POU2F1: variants seen among roughly 807,000 people sequenced by gnomAD.
POU2F1 encodes POU domain, class 2, transcription factor 1.
In POU2F1, 16 loss-of-function variants were observed where a neutral mutation model predicts 84.9. The ratio of observed to expected loss-of-function variants is 0.19; its 90% CI spans 0.13 to 0.29. POU2F1 has a LOEUF of 0.29. Ranked by LOEUF, POU2F1 falls within the 10% of genes least tolerant of loss-of-function variation. The pLI, the probability that POU2F1 is intolerant of heterozygous loss-of-function variation, is 1.00. For missense variants in POU2F1, 738 were observed against 942.6 expected, an observed-to-expected ratio of 0.78 and a Z score of 2.84; for synonymous variants, 368 against 368.3, an observed-to-expected ratio of 1.00 and a Z score of 0.01.
intron 5 of POU2F1, 34 bp downstream of exon 5, chr1:167,372,070 T>C (rs1308610614): frequency 1.3e-6 from 2 of 1,594,614 alleles, no homozygotes; most frequent in Admixed American, 3.5e-5. Flanking sequence ...TAACAAACTT[T>C]TTCTGTGTCA....
At position 167,365,503 on chromosome 1, in the gene POU2F1, C is replaced by G. The variant is rs781026654; in HGVS notation, c.164C>G (p.Pro55Arg). The stretch of plus-strand genomic sequence containing the variant: ...AATGGTCTGGACTTTCAGAAGCAGC[C>G]TGTGCCTGTAGGAGGAGCAATCTCA... ...QTNGLDFQKQ[P>R]VPVGGAISTA... The change falls in exon 3 of 16, where the codon CCT becomes CGT. Residue 55 changes from proline to arginine, a missense_variant. Transcript: ENST00000367866. 1 of 1,602,918 alleles carries G rather than the reference C, an allele frequency of 6.2e-7. No individual in the cohort carries two copies. The highest frequency in any genetic ancestry group is 1.7e-5 in the Admixed American group (1 of 57,954).
chr1:167,385,831 G>A (rs528278333), intron 8 of POU2F1, among the ~76,000 whole-genome samples: 1 of 152,214 alleles, frequency 6.6e-6, no homozygotes, highest in South Asian at 2.1e-4. Context: ...ACCACAGATG[G>A]GGAGAAAATA....
chr1:167,247,977 A>G (rs1650459256), intron 1 of POU2F1, among the ~76,000 whole-genome samples: 1 of 152,202 alleles, frequency 6.6e-6, no homozygotes, highest in African/African-American at 2.4e-5. Context: ...TTTTTCTAAT[A>G]ATAGAATGAT....
intron 2 of POU2F1, among the ~76,000 whole-genome samples, chr1:167,354,120 GATATA>G (rs1197506787): frequency 6.6e-6 from 1 of 152,006 alleles, no homozygotes; most frequent in Non-Finnish European, 1.5e-5. Context: ...ATTTTCACTG[GATATA>G]ATATCCCATT....
intron 12 of POU2F1, 80 bp from the exon 13 acceptor site, chr1:167,401,371 C>T: frequency 1.0e-6 from 1 of 965,776 alleles, no homozygotes; most frequent in Non-Finnish European, 1.5e-6. Context: ...ATTCCAAGAT[C>T]AAAGAAAGAC....
chr1:167,394,347 T>G (rs758784687), intron 9 of POU2F1, among the ~76,000 whole-genome samples: 1 of 152,158 alleles, frequency 6.6e-6, no homozygotes, highest in Admixed American at 6.5e-5. Context: ...TTAATAAATA[T>G]ATAGAGATAC....
chr1:167,292,894 C>T (rs1475197138), intron 1 of POU2F1, among the ~76,000 whole-genome samples: 1 of 151,994 alleles, frequency 6.6e-6, no homozygotes, highest in Non-Finnish European at 1.5e-5. Context: ...AACAGAATTA[C>T]AAACAAAAAC....
At position 167,374,787 on chromosome 1, in the gene POU2F1, G is replaced by A. The variant is rs184240848; in HGVS notation, c.591+491G>A. ...GATAATAAAAATTTATTTAAGAAGC[G>A]CCAGGCGCGGTGGCTCACGCCTGTA... On this transcript the variant is annotated intron_variant, in intron 6 of 15. Coordinates refer to ENST00000367866, the MANE Select transcript of POU2F1 (RefSeq NM_002697.4). Among the ~76,000 whole-genome samples the A allele has an allele frequency of 5.9e-5, 9 of 152,292 alleles. No homozygotes were observed. The East Asian group carries it at 9.6e-4, about 16-fold the overall frequency.
chr1:167,362,832 C>T (rs1386105065), intron 2 of POU2F1, among the ~76,000 whole-genome samples: 1 of 152,042 alleles, frequency 6.6e-6, no homozygotes, highest in Non-Finnish European at 1.5e-5. Context: ...CAGAATATTG[C>T]CTGTAGAGTC....
intron 2 of POU2F1, among the ~76,000 whole-genome samples, chr1:167,333,433 G>T (rs1657212845): frequency 6.6e-6 from 1 of 152,142 alleles, no homozygotes; most frequent in Non-Finnish European, 1.5e-5. Context: ...TTTTTCGCTT[G>T]CAGAGAGGGA....
At chr1:167,319,307 T>C (rs1352848096) in intron 1 of POU2F1, among the ~76,000 whole-genome samples, 1 of 152,202 alleles carries the variant, frequency 6.6e-6, no homozygotes, top group African/African-American at 2.4e-5. Context: ...TGTTGTCGGA[T>C]CTCTCCACCA....
intron 4 of POU2F1, 74 bp downstream of exon 4, chr1:167,370,288 T>C: frequency 8.0e-7 from 1 of 1,251,912 alleles, no homozygotes. Flanking sequence ...TGAGCATATA[T>C]TTTATAATAG....
chr1:167,396,896 T>C (rs564780800), intron 10 of POU2F1: 2 of 153,564 alleles, frequency 1.3e-5, no homozygotes, highest in African/African-American at 4.8e-5. Flanking sequence ...TTTTTTGTGC[T>C]GAGAGTTCCT....
At chr1:167,237,746 GTATATATATATATATA>G (rs58988722) in intron 1 of POU2F1, among the ~76,000 whole-genome samples, 13 of 72,980 alleles carry the variant, frequency 1.8e-4, no homozygotes, top group African/African-American at 6.4e-4. Flanking sequence ...ATGTGTGTGT[GTATATATATATATATA>G]TATATATATA....
chr1:167,328,184 C>T (rs1445552333), intron 1 of POU2F1, among the ~76,000 whole-genome samples: 1 of 152,122 alleles, frequency 6.6e-6, no homozygotes, highest in Non-Finnish European at 1.5e-5. Context: ...AAACTGTCTT[C>T]TTTCTACTTG....
At position 167,342,669 on chromosome 1, in the gene POU2F1, A is replaced by G. The variant is rs947204267; in HGVS notation, c.127+10134A>G. Among the ~76,000 whole-genome samples, 8 of 152,322 alleles carry G rather than the reference A, an allele frequency of 5.3e-5. No individual in the cohort carries two copies. The East Asian group carries it at 9.6e-4, about 18-fold the overall frequency. ...CAGAAAAGCCTCAAAATAGACCTCAATATAGTTCTTGTTAAACCAGAATGG... is the reference window on the plus strand; with the variant it reads ...CAGAAAAGCCTCAAAATAGACCTCAGTATAGTTCTTGTTAAACCAGAATGG... On this transcript the variant is annotated intron_variant, in intron 2 of 15. Transcript: ENST00000367866.
At chr1:167,339,091 C>T (rs1657667035) in intron 2 of POU2F1, among the ~76,000 whole-genome samples, 2 of 152,162 alleles carry the variant, frequency 1.3e-5, no homozygotes, top group African/African-American at 2.4e-5. Context: ...ACCACCTGCA[C>T]TCCTTGGCTT....
chr1:167,356,078 A>G (rs1213747733), intron 2 of POU2F1, among the ~76,000 whole-genome samples: 1 of 151,384 alleles, frequency 6.6e-6, no homozygotes, highest in Non-Finnish European at 1.5e-5. Context: ...CCTCCTAAGT[A>G]TGTTACTTAG....
chr1:167,415,839 T>C lies in POU2F1; in HGVS notation c.*29T>C. 6.3e-7 allele frequency: 1 copy of C among 1,585,780 alleles called. No individual in the cohort carries two copies. ...GGGCAGAGCTGGGCTGCCAGAAGCC[T>C]TTTTCACTCTGCAGTGTGATTGGAC... On this transcript the variant is annotated 3_prime_UTR_variant, in exon 16 of 16. Transcript: ENST00000367866.
Sources: gnomAD v4.1 joint callset for allele counts (sites outside exome capture counted in the v4.1 genomes callset) on GRCh38, gnomAD v4.1.1 for gene constraint, MANE v1.5 for transcripts, NCBI Gene and HGNC (gene_info 2026-07-23, HGNC 2026-07-21) for gene names.